Variants in BACE2 observed in about 807,000 individuals in gnomAD.
BACE2 encodes 56 kDa aspartic-like protease.
In BACE2, 17 loss-of-function variants were observed where a neutral mutation model predicts 46.2. The ratio of observed to expected loss-of-function variants is 0.37; its 90% CI spans 0.25 to 0.55. The LOEUF is 0.55. Ranked by LOEUF, BACE2 falls within the 20% of genes least tolerant of loss-of-function variation. The probability of loss-of-function intolerance (pLI) is 0.82; values close to 1 mark genes in which losing one functional copy is unlikely to be tolerated. For synonymous variants in BACE2, 277 were observed against 295.9 expected (o/e 0.94, Z 0.66); for missense variants, 595 against 698.1 (o/e 0.85, Z 1.66).
intron 1 of BACE2, among the ~76,000 whole-genome samples, chr21:41,197,278 T>G (rs981295378): frequency 2.0e-5 from 3 of 151,358 alleles, no homozygotes; most frequent in South Asian, 4.2e-4. Context: ...TTTTTTTGTT[T>G]TTTTTTTTTT....
At chr21:41,245,166 C>T (rs891732248) in intron 5 of BACE2, among the ~76,000 whole-genome samples, 1 of 152,216 alleles carries the variant, frequency 6.6e-6, no homozygotes, top group Non-Finnish European at 1.5e-5. Context: ...GTGAAGAATA[C>T]TAATACATTG....
intron 6 of BACE2, among the ~76,000 whole-genome samples, chr21:41,248,428 T>C (rs1030548730): frequency 6.6e-6 from 1 of 152,160 alleles, no homozygotes; most frequent in African/African-American, 2.4e-5. Flanking sequence ...CACCTGCCGT[T>C]GGAGCTGGTC....
intron 1 of BACE2, chr21:41,178,965 C>G (rs1303399764): frequency 1.4e-5 from 9 of 643,970 alleles, no homozygotes; most frequent in Non-Finnish European, 9.0e-6. Context: ...GAAGACCTCT[C>G]TGAGGAGGTG....
chr21:41,256,331 A>C (rs1457603241), intron 7 of BACE2, among the ~76,000 whole-genome samples: 1 of 152,174 alleles, frequency 6.6e-6, no homozygotes, highest in Admixed American at 6.5e-5. Flanking sequence ...ATGAGTGAGA[A>C]CATGTGGTGT....
intron 1 of BACE2, among the ~76,000 whole-genome samples, chr21:41,208,719 G>A (rs566934464): frequency 6.6e-6 from 1 of 152,190 alleles, no homozygotes; most frequent in African/African-American, 2.4e-5. Context: ...TGTTTGTTTT[G>A]TTTTAGTTCC....
chr21:41,228,675 T>A (rs958183221), intron 2 of BACE2, among the ~76,000 whole-genome samples: 7 of 152,186 alleles, frequency 4.6e-5, no homozygotes, highest in African/African-American at 1.7e-4. Flanking sequence ...AAGCCATTCT[T>A]GAGAGATCCG....
chr21:41,211,047 T>C (rs917545310), intron 1 of BACE2, among the ~76,000 whole-genome samples: 3 of 152,214 alleles, frequency 2.0e-5, no homozygotes, highest in Admixed American at 6.5e-5. Flanking sequence ...TCTTTTCACC[T>C]TCCCAAATGT....
At chr21:41,242,090 T>C (rs1417360578) in intron 4 of BACE2, 143 bp downstream of exon 4, 1 of 1,119,702 alleles carries the variant, frequency 8.9e-7, no homozygotes, top group African/African-American at 1.6e-5. Context: ...TTGTAGTAGA[T>C]CTTTTTAGAA....
intron 7 of BACE2, among the ~76,000 whole-genome samples, chr21:41,256,598 A>G (rs1165165613): frequency 6.6e-6 from 1 of 152,178 alleles, no homozygotes; most frequent in African/African-American, 2.4e-5. Context: ...CCCAGGTTAG[A>G]TAAACTTAAC....
chr21:41,241,144 C>T (rs1054024269), intron 3 of BACE2, among the ~76,000 whole-genome samples: 1 of 152,162 alleles, frequency 6.6e-6, no homozygotes, highest in South Asian at 2.1e-4. Flanking sequence ...CCCTTTGAGT[C>T]TCTCTGGAGA....
At chr21:41,263,067 A>G (rs994145890) in intron 8 of BACE2, among the ~76,000 whole-genome samples, 1 of 152,120 alleles carries the variant, frequency 6.6e-6, no homozygotes. Flanking sequence ...TAAAGAAAAT[A>G]TTTCTCATTT....
intron 1 of BACE2, among the ~76,000 whole-genome samples, chr21:41,196,551 G>A (rs1232272565): frequency 6.6e-6 from 1 of 151,756 alleles, no homozygotes; most frequent in African/African-American, 2.4e-5. Context: ...GATACTGCAA[G>A]TGAGAATAGC....
chr21:41,209,880 G>A lies in BACE2; in HGVS notation c.313-16386G>A, dbSNP rs528975659. On this transcript the variant is annotated intron_variant, in intron 1 of 8. Coordinates refer to ENST00000330333, the MANE Select transcript of BACE2 (RefSeq NM_012105.5). ...GGACATAGTTCCCAATATGTTTAAG[G>A]GCGTTGGCTATGGGTTTGGGATGAA... 2.1e-3 allele frequency among the ~76,000 whole-genome samples: 323 copies of A among 152,232 alleles called. 1 individual carries two copies. Among genetic ancestry groups the A allele is most frequent in the Non-Finnish European group, 3.3e-3 (224 of 68,018 alleles).
chr21:41,232,955 A>G (rs1175489035), intron 2 of BACE2, among the ~76,000 whole-genome samples: 4 of 141,354 alleles, frequency 2.8e-5, no homozygotes, highest in African/African-American at 1.1e-4. Flanking sequence ...TGCAAGCTCC[A>G]CCTCCCGGGT....
At chr21:41,189,482 C>A (rs1356036878) in intron 1 of BACE2, among the ~76,000 whole-genome samples, 2 of 152,182 alleles carry the variant, frequency 1.3e-5, no homozygotes, top group Non-Finnish European at 2.9e-5. Flanking sequence ...TTCAAAGTTG[C>A]ACATCTTCTT....
rs56017079 is a variant in BACE2, at chr21:41,226,636, C to T, written c.401+282C>T. 3.9e-5 allele frequency among the ~76,000 whole-genome samples: 6 copies of T among 152,186 alleles called. No homozygotes were observed. In the East Asian group the frequency reaches 5.8e-4, roughly 15 times the overall value. On this transcript the variant is annotated intron_variant, in intron 2 of 8. Coordinates refer to ENST00000330333, the MANE Select transcript of BACE2 (RefSeq NM_012105.5). ...CACAACTCCTTTAGTTATCCCAAGTCGCAGGGAGCTTGTGGCCCTTTGGTG... is the reference window on the plus strand; with the variant it reads ...CACAACTCCTTTAGTTATCCCAAGTTGCAGGGAGCTTGTGGCCCTTTGGTG...
In BACE2 at chr21:41,281,024, G is replaced by A. The variant is rs2088542333; in HGVS notation, c.*5400G>A. ...TGCTTGGGTGCCCCGTTGAGCCTCG[G>A]GTACTTCTTGGACACTATTGTGAGA... On this transcript the variant is annotated 3_prime_UTR_variant, in exon 9 of 9. Coordinates refer to ENST00000330333, the MANE Select transcript of BACE2 (RefSeq NM_012105.5). 4 of 152,184 alleles carry A rather than the reference G, an allele frequency of 2.6e-5. No homozygotes were observed. Among genetic ancestry groups the A allele is most frequent in the Admixed American group, 2.6e-4 (4 of 15,276 alleles). 9.4% of individuals were successfully genotyped at this position (152,184 alleles called of 1,614,324 possible).
At chr21:41,235,328 G>A (rs1345336292) in intron 2 of BACE2, among the ~76,000 whole-genome samples, 1 of 152,160 alleles carries the variant, frequency 6.6e-6, no homozygotes. Context: ...CGCATCATAT[G>A]GATATGCTGT....
At chr21:41,188,383 T>A (rs550256221) in intron 1 of BACE2, among the ~76,000 whole-genome samples, 1 of 152,174 alleles carries the variant, frequency 6.6e-6, no homozygotes, top group East Asian at 1.9e-4. Context: ...AGAGGCAGGG[T>A]GTTCCATGGT....
Sources: gnomAD v4.1 joint callset for allele counts (sites outside exome capture counted in the v4.1 genomes callset) on GRCh38, gnomAD v4.1.1 for gene constraint, MANE v1.5 for transcripts, NCBI Gene and HGNC (gene_info 2026-07-23, HGNC 2026-07-21) for gene names.